TTL: variants seen among roughly 807,000 people sequenced by gnomAD.
The protein encoded by TTL is tubulin tyrosine ligase, also known as tubulin--tyrosine ligase.
In TTL, 10 loss-of-function variants were observed where a neutral mutation model predicts 41.1. The ratio of observed to expected loss-of-function variants is 0.24; its 90% confidence interval spans 0.15 to 0.41. The LOEUF (loss-of-function observed/expected upper bound fraction) is 0.41, where lower values mean the gene tolerates loss of function less well. TTL is among the 10% of genes least tolerant of loss of function. TTL has a pLI of 1.00. For synonymous variants in TTL, 175 were observed against 175.5 expected, an observed-to-expected ratio of 1.00 and a Z score of 0.02; for missense variants, 367 against 460.4, an observed-to-expected ratio of 0.80 and a Z score of 1.86.
chr2:112,491,756 T>C (rs1196366931), intron 2 of TTL, among the ~76,000 whole-genome samples: 1 of 152,222 alleles, frequency 6.6e-6, no homozygotes, highest in Admixed American at 6.5e-5. Context: ...AAGTTTATTA[T>C]GTATTTGCTA....
At chr2:112,509,703 C>T (rs1460723573) in intron 5 of TTL, among the ~76,000 whole-genome samples, 3 of 152,350 alleles carry the variant, frequency 2.0e-5, no homozygotes, top group South Asian at 2.1e-4. Context: ...CACTGGCCTG[C>T]GCCCACTGTC....
Position 112,539,597 on chromosome 2 carries a change from G to A in TTL, c.*10802G>A, listed in dbSNP as rs1171778886. On this transcript the variant is annotated 3_prime_UTR_variant, in exon 7 of 7. Transcript: ENST00000233336. ...GGTGATGTGAAAGCTCCAGTTGGGA[G>A]CTTTCTTCCCAATATCAGGCACAAA... 1.3e-5 allele frequency: 2 copies of A among 152,154 alleles called. No homozygotes were observed. The highest frequency in any genetic ancestry group is 2.9e-5 in the Non-Finnish European group (2 of 68,030). 9.4% of individuals were successfully genotyped at this position (152,154 alleles called of 1,614,324 possible).
At chr2:112,491,152 C>T (rs1574055165) in intron 2 of TTL, among the ~76,000 whole-genome samples, 1 of 152,144 alleles carries the variant, frequency 6.6e-6, no homozygotes, top group South Asian at 2.1e-4. Flanking sequence ...CCACCACACC[C>T]GGCTAATTTT....
intron 3 of TTL, among the ~76,000 whole-genome samples, chr2:112,495,247 C>T (rs1163599897): frequency 6.6e-6 from 1 of 152,174 alleles, no homozygotes; most frequent in Non-Finnish European, 1.5e-5. Context: ...CTAAAATAGC[C>T]TCCGTGTCCA....
chr2:112,490,921 TAGAA>T (rs1485873076), intron 2 of TTL, among the ~76,000 whole-genome samples: 7 of 152,150 alleles, frequency 4.6e-5, no homozygotes, highest in South Asian at 2.1e-4. Flanking sequence ...TCTGTCATGA[TAGAA>T]AGAAATTTTT....
At chr2:112,523,649 C>T (rs1682299972) in intron 6 of TTL, among the ~76,000 whole-genome samples, 1 of 152,156 alleles carries the variant, frequency 6.6e-6, no homozygotes. Context: ...CTTGAAATGC[C>T]TGCCTTCCCT....
chr2:112,512,519 C>T (rs1021278396), intron 5 of TTL, among the ~76,000 whole-genome samples: 1 of 152,150 alleles, frequency 6.6e-6, no homozygotes, highest in Non-Finnish European at 1.5e-5. Context: ...ACCTCGGCCT[C>T]CCAAAGTGCT....
rs768307666 is a variant in TTL at position 112,494,194 on chromosome 2, A to G, written c.288A>G (p.Glu96=). Residue 96 remains glutamate (E), a synonymous_variant, in exon 3 of 7, where the codon GAA becomes GAG. Coordinates refer to ENST00000233336, the MANE Select transcript of TTL (RefSeq NM_153712.5). ...ELAESCTWFP[E]SYVIYPTNLK... ...CTGAGTCCTGCACATGGTTCCCTGA[A>G]TCTTATGTGATTTATCCAACCAATC... 1.2e-6 allele frequency: 2 copies of G among 1,614,186 alleles called. No homozygotes were observed. Among genetic ancestry groups the G allele is most frequent in the Admixed American group, 3.3e-5 (2 of 60,010 alleles).
At chr2:112,488,024 T>G (rs888645742) in intron 2 of TTL, among the ~76,000 whole-genome samples, 1 of 152,212 alleles carries the variant, frequency 6.6e-6, no homozygotes, top group Non-Finnish European at 1.5e-5. Context: ...ATGGGACCCC[T>G]GGCCATTGTG....
chr2:112,513,687 A>G (rs959713055), intron 5 of TTL, among the ~76,000 whole-genome samples: 1 of 151,764 alleles, frequency 6.6e-6, no homozygotes, highest in Admixed American at 6.6e-5. Context: ...AAGCAAAAAA[A>G]TGCAAAAATA....
chr2:112,496,671 G>C (rs1390752110), intron 3 of TTL, among the ~76,000 whole-genome samples: 2 of 94,150 alleles, frequency 2.1e-5, no homozygotes, highest in African/African-American at 3.7e-5. Flanking sequence ...GTGTCTGTGT[G>C]TGTGTGTGTG....
At position 112,503,104 on chromosome 2, in the gene TTL, G is replaced by T. The variant is rs1681745290; in HGVS notation, c.798G>T (p.Glu266Asp). ...AAGGAAATGAAATGTTCTTCAAGGA[G>T]TTCAATCAGTACCTAACAAGTGCTT... ...YEEGNEMFFK[E>D]FNQYLTSALN... The change falls in exon 5 of 7, where the codon GAG becomes GAT. Residue 266 changes from glutamate (E) to aspartate (D), a missense_variant. Glu to Asp is a conservative substitution (Grantham distance 45, BLOSUM62 2). Coordinates refer to ENST00000233336, the MANE Select transcript of TTL (RefSeq NM_153712.5). The T allele has an allele frequency of 6.2e-7, 1 of 1,613,368 alleles. No homozygotes were observed. Among genetic ancestry groups the T allele is most frequent in the Non-Finnish European group, 8.5e-7 (1 of 1,179,944 alleles).
intron 2 of TTL, among the ~76,000 whole-genome samples, chr2:112,492,456 C>T (rs749169277): frequency 4.0e-5 from 6 of 151,644 alleles, no homozygotes; most frequent in Non-Finnish European, 8.8e-5. Context: ...GTGGGCCGGG[C>T]GCGGTGGCTC....
chr2:112,518,072 T>C (rs1682118715), intron 5 of TTL, among the ~76,000 whole-genome samples: 1 of 151,752 alleles, frequency 6.6e-6, no homozygotes, highest in Non-Finnish European at 1.5e-5. Context: ...GCGATTCTCC[T>C]GCCTCAGCCT....
Position 112,531,132 on chromosome 2 carries a change from A to G in TTL, c.*2337A>G, listed in dbSNP as rs114661729. On this transcript the variant is annotated 3_prime_UTR_variant, in exon 7 of 7. Coordinates refer to ENST00000233336, the MANE Select transcript of TTL (RefSeq NM_153712.5). ...GTAGCTGAGACTACAGGTGCACACC[A>G]CCAAGCCTGGCTTTATGTATTTATT... is the stretch of plus-strand genomic sequence containing the variant. The G allele has an allele frequency of 0.024, 5,112 of 211,110 alleles. 241 individuals are homozygous for G. Among genetic ancestry groups the G allele is most frequent in the African/African-American group, 0.11 (4,830 of 44,100 alleles). 13.1% of individuals were successfully genotyped at this position (211,110 alleles called of 1,614,324 possible).
At chr2:112,496,505 C>T (rs1264568489) in intron 3 of TTL, among the ~76,000 whole-genome samples, 3 of 152,162 alleles carry the variant, frequency 2.0e-5, no homozygotes, top group Non-Finnish European at 4.4e-5. Flanking sequence ...CTTCACCTCT[C>T]ACCTGGAGCG....
In TTL at chr2:112,529,186, G is replaced by A. The variant is rs1341316975; in HGVS notation, c.*391G>A. On this transcript the variant is annotated 3_prime_UTR_variant, in exon 7 of 7. Transcript: ENST00000233336. The stretch of plus-strand genomic sequence containing the variant: ...CACTGCTCTGGACTATGGATTGGAC[G>A]TCAGAGCATATTGGAGGTTGCCTGT... The A allele has an allele frequency of 3.1e-5, 10 of 317,468 alleles. No individual in the cohort carries two copies. Among genetic ancestry groups the A allele is most frequent in the East Asian group, 4.8e-5 (1 of 20,648 alleles). 19.7% of individuals were successfully genotyped at this position (317,468 alleles called of 1,614,324 possible). A position where few individuals can be genotyped will look rare whatever the true frequency, so the allele number is the denominator to read the frequency against.
intron 3 of TTL, among the ~76,000 whole-genome samples, chr2:112,498,323 A>G (rs563894889): frequency 2.6e-5 from 4 of 151,514 alleles, no homozygotes; most frequent in Admixed American, 2.0e-4. Context: ...AATTCCGTCT[A>G]AAAAAAAACC....
At position 112,532,278 on chromosome 2, in the gene TTL, T is replaced by A; in HGVS notation, c.*3483T>A. The A allele has an allele frequency of 4.4e-6, 1 of 228,496 alleles. No individual in the cohort carries two copies. Among genetic ancestry groups the A allele is most frequent in the Non-Finnish European group, 8.7e-6 (1 of 115,146 alleles). The allele number at this position is 228,496 out of a possible 1,614,324, so 14.2% of individuals were successfully genotyped here. Reference sequence around the variant, plus strand: ...TAGCATGCGGGTGCTGTAGAGAAAATTCAGTGACGTACATGGCTCTGGTTC... The same window carrying A: ...TAGCATGCGGGTGCTGTAGAGAAAAATCAGTGACGTACATGGCTCTGGTTC... On this transcript the variant is annotated 3_prime_UTR_variant, in exon 7 of 7. Transcript: ENST00000233336.
Sources: gnomAD v4.1 joint callset for allele counts (sites outside exome capture counted in the v4.1 genomes callset) on GRCh38, gnomAD v4.1.1 for gene constraint, MANE v1.5 for transcripts, NCBI Gene and HGNC (gene_info 2026-07-23, HGNC 2026-07-21) for gene names.